Variants in PLAAT5 observed in about 807,000 individuals in gnomAD.
PLAAT5 encodes Ca(2+)-independent N-acyltransferase.
In PLAAT5, 27 loss-of-function variants were observed where a neutral mutation model predicts 27.8. That is an observed-to-expected ratio of 0.97 (90% confidence interval 0.72 to 1.34). The LOEUF (loss-of-function observed/expected upper bound fraction) is 1.34. PLAAT5 is among the 40% of genes most tolerant of loss of function. The probability of loss-of-function intolerance (pLI) is 0.00; values close to 1 mark genes in which losing one functional copy is unlikely to be tolerated. For synonymous variants in PLAAT5, 125 were observed against 136.1 expected (o/e 0.92, Z 0.57); for missense variants, 368 against 343.8 (o/e 1.07, Z -0.56).
In PLAAT5 at chr11:63,463,548, A is replaced by G; in HGVS notation, c.765T>C (p.Ile255=). Residue 255 remains isoleucine, a synonymous_variant, in exon 6 of 6, where the codon ATT becomes ATC. Transcript: ENST00000540857. ...MEGAKAAGAV[I]SAVVDSIKPK... is the part of the protein sequence containing the mutation. Reference sequence around the variant, plus strand: ...GCTTTATGCTATCCACTACAGCTGAAATAACTGCTCCAGCAGCCTTCGCTC... The same window carrying G: ...GCTTTATGCTATCCACTACAGCTGAGATAACTGCTCCAGCAGCCTTCGCTC... The G allele has an allele frequency of 6.2e-7, 1 of 1,613,940 alleles. No individual in the cohort carries two copies. The highest frequency in any genetic ancestry group is 8.5e-7 in the Non-Finnish European group (1 of 1,180,024).
intron 4 of PLAAT5, among the ~76,000 whole-genome samples, chr11:63,467,088 C>T (rs1233017244): frequency 6.6e-5 from 10 of 152,198 alleles, no homozygotes; most frequent in Non-Finnish European, 8.8e-5. Flanking sequence ...CTGCTACAAC[C>T]ATGTTGATAT....
At chr11:63,485,455 AG>A (rs1323906142) in intron 3 of PLAAT5, among the ~76,000 whole-genome samples, 1 of 152,206 alleles carries the variant, frequency 6.6e-6, no homozygotes, top group Non-Finnish European at 1.5e-5. Context: ...GTAACAGAAT[AG>A]GGAACCCAGA....
chr11:63,463,906 CAG>C (rs1407665528), intron 5 of PLAAT5, among the ~76,000 whole-genome samples: 6 of 152,188 alleles, frequency 3.9e-5, no homozygotes, highest in African/African-American at 1.4e-4. Context: ...ATTCTACAAA[CAG>C]GGGATCCAAG....
At chr11:63,489,064 A>G in intron 2 of PLAAT5, 88 bp from the exon 3 acceptor site, 1 of 961,798 alleles carries the variant, frequency 1.0e-6, no homozygotes. Flanking sequence ...GATTTTTAAG[A>G]TGGCTTTTGG....
At chr11:63,488,569 T>C (rs892382447) in intron 3 of PLAAT5, among the ~76,000 whole-genome samples, 32 of 152,154 alleles carry the variant, frequency 2.1e-4, no homozygotes, top group Non-Finnish European at 4.6e-4. Flanking sequence ...TAAACCAAGT[T>C]TGTCCAACCC....
intron 4 of PLAAT5, 77 bp downstream of exon 4, chr11:63,468,280 G>T: frequency 9.5e-7 from 1 of 1,054,328 alleles, no homozygotes; most frequent in Non-Finnish European, 1.5e-6. Flanking sequence ...AGTAACTGAG[G>T]AACACAGTAA....
At chr11:63,481,116 TTCTCTGGTA>T in intron 3 of PLAAT5, among the ~76,000 whole-genome samples, 1 of 152,348 alleles carries the variant, frequency 6.6e-6, no homozygotes, top group East Asian at 1.9e-4. Context: ...GTTTTCACCT[TTCTCTGGTA>T]TCTCCTTGAA....
In PLAAT5 at chr11:63,468,896, G is replaced by C. The variant is rs181270715; in HGVS notation, c.346-431C>G. ...GGGCAGGATGATGGTCAGTAGTGTG[G>C]GTGTGTGGACATCTAGTAGAGTTCT... On this transcript the variant is annotated intron_variant, in intron 3 of 5. Coordinates refer to ENST00000540857, the MANE Select transcript of PLAAT5 (RefSeq NM_001146729.2). Among the ~76,000 whole-genome samples the C allele has an allele frequency of 2.0e-5, 3 of 152,060 alleles. No homozygotes were observed. The East Asian group carries it at 5.8e-4, about 29-fold the overall frequency.
rs1437327285 is a variant in PLAAT5, at chr11:63,463,390, T to C, written c.*113A>G. 1.3e-6 allele frequency: 1 copy of C among 789,352 alleles called. No individual in the cohort carries two copies. The highest frequency in any genetic ancestry group is 1.7e-5 in the African/African-American group (1 of 59,262). 48.9% of individuals were successfully genotyped at this position (789,352 alleles called of 1,614,324 possible). On this transcript the variant is annotated 3_prime_UTR_variant, in exon 6 of 6. Transcript: ENST00000540857. ...GGTAATTGGATACATTGTAGATTCT[T>C]CCAGAAGTTCACAATTTTCTTAATC...
intron 3 of PLAAT5, chr11:63,470,790 C>T (rs1406976633): frequency 6.6e-6 from 1 of 152,108 alleles, no homozygotes; most frequent in Non-Finnish European, 1.5e-5. Context: ...TATCTGCTCA[C>T]ATCTTACTCA....
intron 3 of PLAAT5, among the ~76,000 whole-genome samples, chr11:63,483,827 A>ATATATATATATATATATATATG (rs2016364781): frequency 1.8e-5 from 2 of 109,796 alleles, no homozygotes; most frequent in African/African-American, 3.4e-5. Context: ...ATATATATAT[A>ATATATATATATATATATATATG]TATATATATA....
At position 63,463,001 on chromosome 11, in the gene PLAAT5, T is replaced by C. The variant is rs117950205; in HGVS notation, c.*502A>G. 2,145 of 152,630 alleles carry C rather than the reference T, an allele frequency of 0.014. 25 individuals are homozygous for C. The highest frequency in any genetic ancestry group is 0.044 in the Middle Eastern group (13 of 296). 9.5% of individuals were successfully genotyped at this position (152,630 alleles called of 1,614,324 possible). A position where few individuals can be genotyped will look rare whatever the true frequency, so the allele number is the denominator to read the frequency against. On this transcript the variant is annotated 3_prime_UTR_variant, in exon 6 of 6. Coordinates refer to ENST00000540857, the MANE Select transcript of PLAAT5 (RefSeq NM_001146729.2). ...GGGCCCTGAATAACGAATCTCAGTT[T>C]TTCTTAAGGTCCTCCTCCTCTGAGC...
At chr11:63,473,708 T>G (rs1218350849) in intron 3 of PLAAT5, among the ~76,000 whole-genome samples, 3 of 130,778 alleles carry the variant, frequency 2.3e-5, no homozygotes, top group African/African-American at 7.9e-5. Flanking sequence ...TTTTTGTTGT[T>G]TTTTTTTTTT....
At chr11:63,482,896 A>G (rs1371157104) in intron 3 of PLAAT5, among the ~76,000 whole-genome samples, 2 of 152,122 alleles carry the variant, frequency 1.3e-5, no homozygotes, top group Non-Finnish European at 2.9e-5. Context: ...ACATAAACTT[A>G]AAAGGGGAGG....
Position 63,487,934 on chromosome 11 carries a change from G to A in PLAAT5, c.345+937C>T, listed in dbSNP as rs577133439. On this transcript the variant is annotated intron_variant, in intron 3 of 5. Coordinates refer to ENST00000540857, the MANE Select transcript of PLAAT5 (RefSeq NM_001146729.2). ...GCCGAGGCGGGAGGATCATGAGGTC[G>A]GGAGATCGAGACCATCCTGGCTAAC... is the stretch of plus-strand genomic sequence containing the variant. 7.9e-5 allele frequency among the ~76,000 whole-genome samples: 12 copies of A among 152,206 alleles called. No homozygotes were observed. In the East Asian group the frequency reaches 1.4e-3, roughly 17 times the overall value.
intron 3 of PLAAT5, among the ~76,000 whole-genome samples, chr11:63,484,909 A>G (rs1348657812): frequency 3.3e-5 from 5 of 152,182 alleles, no homozygotes; most frequent in Non-Finnish European, 7.4e-5. Flanking sequence ...CTAATCCAAA[A>G]AGTCCTAGAA....
chr11:63,469,145 TGAGA>T lies in PLAAT5; in HGVS notation c.346-684_346-681del, dbSNP rs1555025561. On this transcript the variant is annotated intron_variant, in intron 3 of 5. Transcript: ENST00000540857. ...GTGTGTGTGTGTGTGTGTGTGTGTG[TGAGA>T]GAGAGAGAGAGACAGGTAGAGAGAG... 3.4e-3 allele frequency among the ~76,000 whole-genome samples: 418 copies of T among 122,778 alleles called. 1 individual carries two copies. The highest frequency in any genetic ancestry group is 6.0e-3 in the Non-Finnish European group (329 of 54,656). The allele number at this position is 122,778 out of a possible 152,430, so 80.5% of individuals were successfully genotyped here. A position where few individuals can be genotyped will look rare whatever the true frequency, so the allele number is the denominator to read the frequency against.
At chr11:63,490,560 G>C in intron 1 of PLAAT5, 1 of 692,342 alleles carries the variant, frequency 1.4e-6, no homozygotes, top group Non-Finnish European at 2.4e-6. Flanking sequence ...GAACGGAATC[G>C]GGGAGAGGAT....
chr11:63,468,678 C>T (rs954133647), intron 3 of PLAAT5, among the ~76,000 whole-genome samples: 3 of 152,178 alleles, frequency 2.0e-5, no homozygotes, highest in South Asian at 4.1e-4. Context: ...CAAGGATACC[C>T]GTGCCAGTTA....
Sources: allele counts gnomAD v4.1 joint callset (sites outside exome capture counted in the v4.1 genomes callset), GRCh38; gene constraint gnomAD v4.1.1; transcripts MANE v1.5; gene names NCBI Gene and HGNC (gene_info 2026-07-23, HGNC 2026-07-21).